GRM7: variants seen among roughly 807,000 people sequenced by gnomAD.
GRM7 encodes the protein metabotropic glutamate receptor 7.
GRM7 carries 35 observed loss-of-function variants against 84.5 expected under a neutral mutation model. The observed-to-expected ratio is 0.41, with a 90% CI of 0.32 to 0.55. The LOEUF (loss-of-function observed/expected upper bound fraction) is 0.55, where lower values mean the gene tolerates loss of function less well. Ranked by LOEUF, GRM7 falls within the 20% of genes least tolerant of loss-of-function variation. GRM7 has a pLI of 0.19. For synonymous variants in GRM7, 487 were observed against 455.1 expected, an observed-to-expected ratio of 1.07 and a Z score of -0.89; for missense variants, 1,003 against 1,194.6, an observed-to-expected ratio of 0.84 and a Z score of 2.36.
chr3:7,520,504 GA>G (rs1364060419), intron 7 of GRM7, among the ~76,000 whole-genome samples: 1 of 112,904 alleles, frequency 8.9e-6, no homozygotes, highest in Non-Finnish European at 1.9e-5. Context: ...CTCTAGACCT[GA>G]AAAAAATAAA....
intron 1 of GRM7, among the ~76,000 whole-genome samples, chr3:7,137,032 G>T (rs1321166658): frequency 2.0e-5 from 3 of 152,090 alleles, no homozygotes; most frequent in African/African-American, 7.2e-5. Flanking sequence ...GCACCTTTTA[G>T]TGATTAATGT....
At chr3:7,551,022 T>A (rs1032290797) in intron 7 of GRM7, among the ~76,000 whole-genome samples, 2 of 152,214 alleles carry the variant, frequency 1.3e-5, no homozygotes, top group African/African-American at 4.8e-5. Flanking sequence ...AATTACTTAG[T>A]GATTCTTAGC....
chr3:7,334,579 T>G (rs764395828), intron 4 of GRM7, among the ~76,000 whole-genome samples: 1 of 151,988 alleles, frequency 6.6e-6, no homozygotes, highest in Non-Finnish European at 1.5e-5. Flanking sequence ...AATACTAACA[T>G]TGAATGTAAA....
In GRM7 at chr3:7,097,249, C is replaced by G. The variant is rs116587569; in HGVS notation, c.520-49203C>G. On this transcript the variant is annotated intron_variant, in intron 1 of 9. Coordinates refer to ENST00000357716, the MANE Select transcript of GRM7 (RefSeq NM_000844.4). ...TTGATAATCTAGGTGAATATTGTGC[C>G]TACACATAGGCATGTGTAAGAGGAT... Among the ~76,000 whole-genome samples the G allele has an allele frequency of 6.0e-3, 920 of 152,114 alleles. 11 individuals are homozygous for G. Among genetic ancestry groups the G allele is most frequent in the African/African-American group, 0.021 (876 of 41,508 alleles).
intron 1 of GRM7, among the ~76,000 whole-genome samples, chr3:7,018,502 A>C (rs763861393): frequency 1.3e-5 from 2 of 152,248 alleles, no homozygotes; most frequent in African/African-American, 4.8e-5. Context: ...CATGGCCCTA[A>C]CTGCCCCATA....
chr3:7,195,182 G>A (rs944074021), intron 2 of GRM7, among the ~76,000 whole-genome samples: 2 of 152,116 alleles, frequency 1.3e-5, no homozygotes, highest in South Asian at 2.1e-4. Flanking sequence ...CAAAAGTCTT[G>A]CAGGCATTGC....
At chr3:6,888,380 C>T (rs1045723845) in intron 1 of GRM7, among the ~76,000 whole-genome samples, 5 of 152,152 alleles carry the variant, frequency 3.3e-5, no homozygotes, top group African/African-American at 9.7e-5. Flanking sequence ...ACGTTTAAGT[C>T]TTTAATCCAT....
intron 1 of GRM7, among the ~76,000 whole-genome samples, chr3:6,924,254 A>G (rs554055160): frequency 6.6e-6 from 1 of 152,304 alleles, no homozygotes; most frequent in East Asian, 1.9e-4. Flanking sequence ...GCTAAATGGG[A>G]TACTGTGAAG....
At chr3:7,159,330 G>T (rs1159498217) in intron 2 of GRM7, among the ~76,000 whole-genome samples, 2 of 152,168 alleles carry the variant, frequency 1.3e-5, no homozygotes, top group Non-Finnish European at 2.9e-5. Flanking sequence ...CCTGGCTCAA[G>T]ATCAATTTGC....
intron 1 of GRM7, among the ~76,000 whole-genome samples, chr3:6,961,681 T>C (rs554530496): frequency 1.3e-5 from 2 of 152,318 alleles, no homozygotes; most frequent in South Asian, 4.1e-4. Flanking sequence ...ACGCCTTACC[T>C]TCCTACAACC....
chr3:6,979,654 G>T (rs570550336), intron 1 of GRM7, among the ~76,000 whole-genome samples: 1 of 152,066 alleles, frequency 6.6e-6, no homozygotes, highest in Non-Finnish European at 1.5e-5. Flanking sequence ...GTCTATTATT[G>T]ATATAACCAA....
At chr3:7,165,749 G>A (rs1249021780) in intron 2 of GRM7, among the ~76,000 whole-genome samples, 3 of 152,076 alleles carry the variant, frequency 2.0e-5, no homozygotes, top group Non-Finnish European at 4.4e-5. Context: ...ACCATATATT[G>A]CTGTTGCACT....
chr3:7,714,354 T>C (rs1247043746), intron 9 of GRM7, among the ~76,000 whole-genome samples: 1 of 152,152 alleles, frequency 6.6e-6, no homozygotes, highest in Non-Finnish European at 1.5e-5. Flanking sequence ...TAAACAGTCA[T>C]GTGAAAAGTG....
At chr3:7,014,311 T>C (rs1029323591) in intron 1 of GRM7, among the ~76,000 whole-genome samples, 2 of 152,152 alleles carry the variant, frequency 1.3e-5, no homozygotes, top group Non-Finnish European at 2.9e-5. Flanking sequence ...GCAAAATTAG[T>C]AATATTTTAT....
chr3:7,168,614 T>C (rs1694882989), intron 2 of GRM7, among the ~76,000 whole-genome samples: 1 of 152,200 alleles, frequency 6.6e-6, no homozygotes, highest in African/African-American at 2.4e-5. Context: ...CCCTTCAATG[T>C]ATGACATTTT....
chr3:7,336,750 C>T (rs957891399), intron 4 of GRM7, among the ~76,000 whole-genome samples: 4 of 151,224 alleles, frequency 2.6e-5, no homozygotes, highest in African/African-American at 7.3e-5. Context: ...ACACCAAGAG[C>T]GACCAAGCTG....
At chr3:7,403,483 A>G (rs1695538976) in intron 4 of GRM7, among the ~76,000 whole-genome samples, 1 of 151,182 alleles carries the variant, frequency 6.6e-6, no homozygotes, top group Non-Finnish European at 1.5e-5. Flanking sequence ...AATATTACTC[A>G]TTAAATCTTG....
intron 7 of GRM7, among the ~76,000 whole-genome samples, chr3:7,564,471 T>C (rs1476397902): frequency 6.6e-6 from 1 of 152,040 alleles, no homozygotes; most frequent in Admixed American, 6.6e-5. Context: ...TGGAGAGATC[T>C]AGAAAAAGGA....
At chr3:7,346,415 C>T (rs1045100055) in intron 4 of GRM7, among the ~76,000 whole-genome samples, 6 of 152,118 alleles carry the variant, frequency 3.9e-5, no homozygotes, top group Non-Finnish European at 8.8e-5. Flanking sequence ...ATTTCTTCTT[C>T]AGAGTTAACC....
Sources: gnomAD v4.1 joint callset for allele counts (sites outside exome capture counted in the v4.1 genomes callset) on GRCh38, gnomAD v4.1.1 for gene constraint, MANE v1.5 for transcripts, NCBI Gene and HGNC (gene_info 2026-07-23, HGNC 2026-07-21) for gene names.